RNLS: variants seen among roughly 807,000 people sequenced by gnomAD.
RNLS encodes the protein renalase.
A neutral mutation model predicts 39.8 loss-of-function variants in RNLS; 39 were observed. The observed-to-expected ratio is 0.98, with a 90% CI of 0.76 to 1.28. The LOEUF (loss-of-function observed/expected upper bound fraction) is 1.28, where lower values mean the gene tolerates loss of function less well. Among genes scored for constraint, RNLS ranks in the 50% most tolerant of loss-of-function variants. The pLI, the probability that RNLS is intolerant of heterozygous loss-of-function variation, is 0.00. For missense variants in RNLS, 410 were observed against 413.3 expected, an observed-to-expected ratio of 0.99 and a Z score of 0.07; for synonymous variants, 147 against 150.7, an observed-to-expected ratio of 0.98 and a Z score of 0.18.
intron 4 of RNLS, among the ~76,000 whole-genome samples, chr10:88,539,946 A>G (rs1468178957): frequency 6.6e-6 from 1 of 152,104 alleles, no homozygotes; most frequent in Non-Finnish European, 1.5e-5. Context: ...CTTTAATACT[A>G]CAGCCCGTAA....
rs186519195 is a variant in RNLS, at chr10:88,344,938, T to C, written c.700+17614A>G. Among the ~76,000 whole-genome samples the C allele has an allele frequency of 5.3e-5, 8 of 152,254 alleles. No individual in the cohort carries two copies. In the East Asian group the frequency reaches 7.7e-4, roughly 15 times the overall value. On this transcript the variant is annotated intron_variant, in intron 5 of 6. Coordinates refer to ENST00000331772, the MANE Select transcript of RNLS (RefSeq NM_001031709.3). ...ATATTATGCAGGGAATTCAATGTCC[T>C]GTACAGTACATATGGATTCTTCTCA...
the RNLS span, among the ~76,000 whole-genome samples, chr10:88,218,548 C>T: frequency 2.6e-5 from 4 of 152,094 alleles, no homozygotes; most frequent in Admixed American, 6.6e-5. Flanking sequence ...ACAGCTTGGA[C>T]GGCTGGCTGG....
At chr10:88,542,556 T>C (rs1223590013) in intron 4 of RNLS, among the ~76,000 whole-genome samples, 6 of 152,086 alleles carry the variant, frequency 3.9e-5, no homozygotes, top group Admixed American at 3.9e-4. Context: ...GGTTAAATGA[T>C]TAATTTGCCA....
intron 5 of RNLS, among the ~76,000 whole-genome samples, chr10:88,321,043 A>G (rs1846151143): frequency 6.6e-6 from 1 of 151,888 alleles, no homozygotes. Flanking sequence ...TGACTATATG[A>G]TTGGCCATAT....
At chr10:88,502,652 T>C (rs1345817013) in intron 4 of RNLS, among the ~76,000 whole-genome samples, 1 of 152,156 alleles carries the variant, frequency 6.6e-6, no homozygotes, top group African/African-American at 2.4e-5. Context: ...CAAAACAGAC[T>C]AAGACAGGCT....
chr10:88,559,634 T>C (rs533819304), intron 4 of RNLS, among the ~76,000 whole-genome samples: 2 of 148,820 alleles, frequency 1.3e-5, no homozygotes, highest in African/African-American at 5.0e-5. Flanking sequence ...CCACTGAATG[T>C]CCTCCAAGAC....
At chr10:88,533,225 G>A (rs530296146) in intron 4 of RNLS, among the ~76,000 whole-genome samples, 8 of 152,056 alleles carry the variant, frequency 5.3e-5, no homozygotes, top group Non-Finnish European at 1.0e-4. Context: ...ATTAAGAAAT[G>A]TTGGCCACAG....
chr10:88,227,261 G>GT, the RNLS span, among the ~76,000 whole-genome samples: 1 of 152,198 alleles, frequency 6.6e-6, no homozygotes, highest in South Asian at 2.1e-4. Flanking sequence ...TGGCTTAGGG[G>GT]TAAAGGAGAG....
intron 6 of RNLS, among the ~76,000 whole-genome samples, chr10:88,302,600 G>T (rs1438341661): frequency 6.6e-6 from 1 of 152,108 alleles, no homozygotes; most frequent in Non-Finnish European, 1.5e-5. Flanking sequence ...AAGTACAAAT[G>T]ACTGTGGTTT....
At chr10:88,544,507 G>A (rs185540955) in intron 4 of RNLS, among the ~76,000 whole-genome samples, 2 of 152,248 alleles carry the variant, frequency 1.3e-5, no homozygotes, top group East Asian at 3.9e-4. Flanking sequence ...TGAAATTTGG[G>A]TAGAGAAAAA....
At chr10:88,485,072 T>A (rs1229379187) in intron 4 of RNLS, among the ~76,000 whole-genome samples, 3 of 151,932 alleles carry the variant, frequency 2.0e-5, no homozygotes, top group Non-Finnish European at 4.4e-5. Context: ...GTCAACACAA[T>A]CCCAATCAAA....
intron 4 of RNLS, among the ~76,000 whole-genome samples, chr10:88,424,759 G>C (rs563327357): frequency 2.6e-5 from 4 of 152,158 alleles, no homozygotes; most frequent in African/African-American, 9.6e-5. Context: ...AATTTTTAAC[G>C]CGTGAATGCA....
chr10:88,291,265 C>A (rs574829273), intron 6 of RNLS, among the ~76,000 whole-genome samples: 1 of 152,300 alleles, frequency 6.6e-6, no homozygotes, highest in African/African-American at 2.4e-5. Context: ...CTTCTAATGT[C>A]TTTAGCATTG....
the RNLS span, among the ~76,000 whole-genome samples, chr10:88,241,000 C>T: frequency 6.8e-6 from 1 of 147,844 alleles, no homozygotes. Context: ...AATTGATTTT[C>T]TTATGTTAAA....
chr10:88,580,217 T>C (rs1441930261), intron 3 of RNLS, among the ~76,000 whole-genome samples: 2 of 152,188 alleles, frequency 1.3e-5, no homozygotes, highest in Non-Finnish European at 2.9e-5. Flanking sequence ...TACTCACATA[T>C]ACACATGCAT....
chr10:88,320,546 G>T (rs143566127), intron 5 of RNLS, among the ~76,000 whole-genome samples: 305 of 147,652 alleles, frequency 2.1e-3, no homozygotes, highest in Non-Finnish European at 3.9e-3. Flanking sequence ...CTGTTTTCAA[G>T]AGACCAATGT....
At chr10:88,401,999 A>G (rs2133644689) in intron 4 of RNLS, among the ~76,000 whole-genome samples, 1 of 152,154 alleles carries the variant, frequency 6.6e-6, no homozygotes, top group Admixed American at 6.6e-5. Context: ...TCCTGGGAAG[A>G]GAATCCAAAT....
In RNLS at chr10:88,502,358, G is replaced by C. The variant is rs1373856429; in HGVS notation, c.526+70545C>G. 2.0e-5 allele frequency among the ~76,000 whole-genome samples: 3 copies of C among 151,458 alleles called. No individual in the cohort carries two copies. In the East Asian group the frequency reaches 5.9e-4, roughly 30 times the overall value. On this transcript the variant is annotated intron_variant, in intron 4 of 6. Transcript: ENST00000331772. ...GGGGGGCGGGGTGGGGAGGTGAGGA[G>C]GGGGAATAGATTACTTCCTGAAGAG...
At chr10:88,303,048 C>A (rs1057373302) in intron 6 of RNLS, among the ~76,000 whole-genome samples, 19 of 152,200 alleles carry the variant, frequency 1.2e-4, no homozygotes, top group Middle Eastern at 3.2e-3. Context: ...GGGGCTACTG[C>A]ACACCTGGAC....
Sources: allele counts gnomAD v4.1 joint callset (sites outside exome capture counted in the v4.1 genomes callset), GRCh38; gene constraint gnomAD v4.1.1; transcripts MANE v1.5; gene names NCBI Gene and HGNC (gene_info 2026-07-23, HGNC 2026-07-21).